The following EXT1 variants were observed in gnomAD, a reference collection of about 807,000 sequenced individuals.
EXT1 encodes exostosin glycosyltransferase 1, also known as exostosin-1.
A neutral mutation model predicts 82.5 loss-of-function variants in EXT1; 20 were observed. The ratio of observed to expected loss-of-function variants is 0.24; its 90% confidence interval spans 0.17 to 0.35. EXT1 has a LOEUF of 0.35. Among genes scored for constraint, EXT1 ranks in the 10% least tolerant of loss-of-function variants. The pLI, the probability that EXT1 is intolerant of heterozygous loss-of-function variation, is 1.00. For synonymous variants in EXT1, 348 were observed against 350.8 expected, an observed-to-expected ratio of 0.99 and a Z score of 0.09; for missense variants, 757 against 936.5, an observed-to-expected ratio of 0.81 and a Z score of 2.50.
chr8:118,100,554 C>T (rs1434465141), intron 1 of EXT1, among the ~76,000 whole-genome samples: 1 of 152,080 alleles, frequency 6.6e-6, no homozygotes, highest in African/African-American at 2.4e-5. Flanking sequence ...TCGAGACCAT[C>T]CTGGCTAACA....
At chr8:117,949,674 T>C (rs1301177220) in intron 1 of EXT1, among the ~76,000 whole-genome samples, 1 of 151,968 alleles carries the variant, frequency 6.6e-6, no homozygotes, top group Non-Finnish European at 1.5e-5. Context: ...TGGAAAATAC[T>C]CAACAATATA....
chr8:117,885,517 GA>G, intron 1 of EXT1, among the ~76,000 whole-genome samples: 1 of 127,756 alleles, frequency 7.8e-6, no homozygotes, highest in Non-Finnish European at 1.7e-5. Flanking sequence ...AAAAAAGAAA[GA>G]AAGAAATCTA....
intron 1 of EXT1, among the ~76,000 whole-genome samples, chr8:117,861,455 A>G (rs1356864097): frequency 6.7e-6 from 1 of 149,548 alleles, no homozygotes; most frequent in Non-Finnish European, 1.5e-5. Flanking sequence ...AAAGGAGAGC[A>G]TGGAAATGCC....
chr8:117,928,093 C>T (rs1179232884), intron 1 of EXT1, among the ~76,000 whole-genome samples: 3 of 152,330 alleles, frequency 2.0e-5, no homozygotes, highest in Non-Finnish European at 4.4e-5. Context: ...CACTGGATGG[C>T]ATACCCTTTA....
intron 1 of EXT1, among the ~76,000 whole-genome samples, chr8:117,927,416 GAA>G (rs557704697): frequency 2.2e-4 from 4 of 18,046 alleles, no homozygotes; most frequent in African/African-American, 5.2e-4. Context: ...TCCTCTGGGG[GAA>G]AAAAAAAAAA....
chr8:118,005,876 C>G (rs943858166), intron 1 of EXT1, among the ~76,000 whole-genome samples: 4 of 152,188 alleles, frequency 2.6e-5, no homozygotes, highest in Admixed American at 1.3e-4. Context: ...ATACACAGCC[C>G]TAATAAATAT....
intron 1 of EXT1, among the ~76,000 whole-genome samples, chr8:118,035,628 G>A (rs749928523): frequency 6.6e-5 from 10 of 151,848 alleles, no homozygotes; most frequent in Admixed American, 4.6e-4. Flanking sequence ...CCCATCCAAT[G>A]TCAAAACTGC....
intron 1 of EXT1, among the ~76,000 whole-genome samples, chr8:117,984,097 T>C (rs1226495916): frequency 6.6e-6 from 1 of 152,100 alleles, no homozygotes; most frequent in East Asian, 1.9e-4. Context: ...GAAAGACAAA[T>C]GACAACCCAG....
intron 1 of EXT1, among the ~76,000 whole-genome samples, chr8:117,897,925 G>A (rs1290524836): frequency 6.6e-6 from 1 of 152,066 alleles, no homozygotes; most frequent in African/African-American, 2.4e-5. Context: ...TAAGCCTCAA[G>A]TTTGTTCCAC....
At chr8:118,062,740 CA>C (rs1816902887) in intron 1 of EXT1, among the ~76,000 whole-genome samples, 1 of 152,174 alleles carries the variant, frequency 6.6e-6, no homozygotes, top group African/African-American at 2.4e-5. Context: ...AGCTTTTAAA[CA>C]GGAAACTGGC....
chr8:118,003,972 G>T (rs1158386161), intron 1 of EXT1, among the ~76,000 whole-genome samples: 1 of 152,090 alleles, frequency 6.6e-6, no homozygotes, highest in Admixed American at 6.5e-5. Flanking sequence ...ATGAAATTGT[G>T]AATCAAAACT....
intron 1 of EXT1, among the ~76,000 whole-genome samples, chr8:117,968,535 T>TTGACTGTAAACTACC (rs1586315311): frequency 2.1e-4 from 3 of 14,510 alleles, no homozygotes; most frequent in African/African-American, 1.1e-3. Context: ...CCTTATTTAT[T>TTGACTGTAAACTACC]TATTTATTTA....
At chr8:117,866,303 G>A (rs1812773270) in intron 1 of EXT1, among the ~76,000 whole-genome samples, 1 of 152,180 alleles carries the variant, frequency 6.6e-6, no homozygotes, top group Non-Finnish European at 1.5e-5. Flanking sequence ...CAATTAAGCA[G>A]AGACTTCACC....
intron 4 of EXT1, among the ~76,000 whole-genome samples, chr8:117,826,692 G>A (rs535491349): frequency 1.3e-5 from 2 of 152,098 alleles, no homozygotes; most frequent in East Asian, 1.9e-4. Flanking sequence ...TTGGTTGAGA[G>A]GTCAAACTGT....
At chr8:117,850,525 G>A (rs1430521010) in intron 1 of EXT1, among the ~76,000 whole-genome samples, 1 of 152,120 alleles carries the variant, frequency 6.6e-6, no homozygotes, top group African/African-American at 2.4e-5. Flanking sequence ...CTGCTTAAAG[G>A]GCTAATTGAT....
intron 1 of EXT1, among the ~76,000 whole-genome samples, chr8:118,081,247 A>T (rs1817323011): frequency 6.6e-6 from 1 of 152,176 alleles, no homozygotes; most frequent in Admixed American, 6.5e-5. Context: ...CATGCAGGTA[A>T]CCAGATTCCA....
intron 1 of EXT1, among the ~76,000 whole-genome samples, chr8:117,872,662 TCAAG>T (rs1020309789): frequency 2.6e-5 from 4 of 152,176 alleles, no homozygotes; most frequent in African/African-American, 7.2e-5. Context: ...TATCTTTTAT[TCAAG>T]ACAAATTATT....
intron 1 of EXT1, among the ~76,000 whole-genome samples, chr8:117,858,295 C>A (rs904033970): frequency 3.3e-5 from 5 of 152,156 alleles, no homozygotes; most frequent in Non-Finnish European, 7.3e-5. Context: ...ATGGAGAAAA[C>A]GATTCTTTCA....
chr8:117,971,734 A>G (rs543208660), intron 1 of EXT1, among the ~76,000 whole-genome samples: 1 of 152,398 alleles, frequency 6.6e-6, no homozygotes, highest in African/African-American at 2.4e-5. Context: ...CACGTAAATT[A>G]TAGATGCTTA....
Sources: gnomAD v4.1 joint callset for allele counts (sites outside exome capture counted in the v4.1 genomes callset) on GRCh38, gnomAD v4.1.1 for gene constraint, MANE v1.5 for transcripts, NCBI Gene and HGNC (gene_info 2026-07-23, HGNC 2026-07-21) for gene names.